ANKS1B: variants seen among roughly 807,000 people sequenced by gnomAD.
ANKS1B encodes ankyrin repeat and sterile alpha motif domain-containing protein 1B.
Under a neutral mutation model 148.3 loss-of-function variants are expected in ANKS1B, and 36 were observed. The ratio of observed to expected loss-of-function variants is 0.24; its 90% CI spans 0.19 to 0.32. ANKS1B has a LOEUF of 0.32. Among genes scored for constraint, ANKS1B ranks in the 10% least tolerant of loss-of-function variants. The probability of loss-of-function intolerance (pLI) is 1.00; values close to 1 mark genes in which losing one functional copy is unlikely to be tolerated. For synonymous variants in ANKS1B, 542 were observed against 560.8 expected (o/e 0.97, Z 0.47); for missense variants, 1,157 against 1,542.6 (o/e 0.75, Z 4.19).
intron 9 of ANKS1B, among the ~76,000 whole-genome samples, chr12:99,612,189 T>C (rs1020815963): frequency 2.0e-5 from 3 of 152,048 alleles, no homozygotes; most frequent in African/African-American, 7.2e-5. Context: ...ACAGAGCTGA[T>C]TGAGCAAAAT....
chr12:99,845,820 T>C (rs2086579414), intron 1 of ANKS1B, among the ~76,000 whole-genome samples: 1 of 152,186 alleles, frequency 6.6e-6, no homozygotes, highest in Non-Finnish European at 1.5e-5. Context: ...TTTGTATCTC[T>C]GGTAGAATTC....
At chr12:99,543,069 A>G (rs182760412) in intron 9 of ANKS1B, among the ~76,000 whole-genome samples, 46 of 152,244 alleles carry the variant, frequency 3.0e-4, no homozygotes, top group Admixed American at 1.8e-3. Flanking sequence ...GAACGTATTT[A>G]AAAATCATAT....
intron 10 of ANKS1B, among the ~76,000 whole-genome samples, chr12:99,496,851 C>T (rs1250390773): frequency 6.6e-6 from 1 of 152,076 alleles, no homozygotes; most frequent in African/African-American, 2.4e-5. Context: ...ACCATGAATA[C>T]ACAATGTTGC....
At chr12:99,375,907 T>C (rs1303291355) in intron 12 of ANKS1B, among the ~76,000 whole-genome samples, 2 of 152,146 alleles carry the variant, frequency 1.3e-5, no homozygotes, top group South Asian at 2.1e-4. Context: ...TCTAAATCCA[T>C]AGATGTTAGC....
At chr12:99,668,416 C>A (rs1486470286) in intron 8 of ANKS1B, among the ~76,000 whole-genome samples, 4 of 151,292 alleles carry the variant, frequency 2.6e-5, no homozygotes. Context: ...CCTCTTTTAT[C>A]TCATTTTTTT....
intron 10 of ANKS1B, among the ~76,000 whole-genome samples, chr12:99,468,930 C>A (rs1388559141): frequency 6.6e-6 from 1 of 152,048 alleles, no homozygotes; most frequent in Non-Finnish European, 1.5e-5. Context: ...CCCAGCCATC[C>A]CATTACTGGG....
At chr12:99,820,157 T>C (rs1176069931) in intron 2 of ANKS1B, among the ~76,000 whole-genome samples, 1 of 152,004 alleles carries the variant, frequency 6.6e-6, no homozygotes, top group Non-Finnish European at 1.5e-5. Flanking sequence ...AATAATTTTC[T>C]AATCTGTGAT....
intron 17 of ANKS1B, among the ~76,000 whole-genome samples, chr12:98,937,670 T>C (rs1479036616): frequency 6.6e-6 from 1 of 152,160 alleles, no homozygotes; most frequent in East Asian, 1.9e-4. Context: ...ACTGTACACA[T>C]GCCACCTATA....
chr12:99,081,879 A>G (rs2049911580), intron 16 of ANKS1B, among the ~76,000 whole-genome samples: 1 of 152,192 alleles, frequency 6.6e-6, no homozygotes, highest in Non-Finnish European at 1.5e-5. Flanking sequence ...TCATTCACTC[A>G]GTCACTCACT....
intron 1 of ANKS1B, 32 bp from the exon 2 acceptor site, chr12:99,825,421 G>A: frequency 6.4e-7 from 1 of 1,569,302 alleles, no homozygotes; most frequent in Non-Finnish European, 8.7e-7. Flanking sequence ...AGAGTTAACA[G>A]TGAAGCCAGA....
intron 12 of ANKS1B, among the ~76,000 whole-genome samples, chr12:99,294,153 T>C (rs1006981225): frequency 6.6e-6 from 1 of 152,232 alleles, no homozygotes; most frequent in African/African-American, 2.4e-5. Context: ...CCACCATATG[T>C]TCCAGCAATC....
At chr12:99,614,018 AT>A (rs572685860) in intron 9 of ANKS1B, among the ~76,000 whole-genome samples, 69 of 150,218 alleles carry the variant, frequency 4.6e-4, no homozygotes, top group East Asian at 1.2e-3. Flanking sequence ...TTGATTCCTA[AT>A]TTTTTTTTTC....
chr12:99,613,856 TTAAAAA>T (rs1034019353), intron 9 of ANKS1B, among the ~76,000 whole-genome samples: 2 of 151,648 alleles, frequency 1.3e-5, no homozygotes, highest in Non-Finnish European at 2.9e-5. Flanking sequence ...ACCCCTAAAC[TTAAAAA>T]TAAAGTCAAA....
chr12:99,866,768 G>A (rs1003509141), intron 1 of ANKS1B, among the ~76,000 whole-genome samples: 4 of 152,066 alleles, frequency 2.6e-5, no homozygotes, highest in African/African-American at 7.2e-5. Flanking sequence ...AAATCTAAAT[G>A]TATAATTTAT....
intron 17 of ANKS1B, among the ~76,000 whole-genome samples, chr12:98,866,505 G>C (rs1442073328): frequency 1.3e-5 from 2 of 152,150 alleles, no homozygotes; most frequent in African/African-American, 4.8e-5. Context: ...GGAGGGCTTA[G>C]CCCTCTCCCA....
intron 9 of ANKS1B, among the ~76,000 whole-genome samples, chr12:99,563,462 A>G (rs2097358015): frequency 6.6e-6 from 1 of 152,136 alleles, no homozygotes; most frequent in Non-Finnish European, 1.5e-5. Flanking sequence ...AGGCCTGAGG[A>G]GAGGAAGAGA....
intron 15 of ANKS1B, among the ~76,000 whole-genome samples, chr12:99,099,061 T>C (rs1387763464): frequency 6.6e-6 from 1 of 152,154 alleles, no homozygotes; most frequent in Non-Finnish European, 1.5e-5. Flanking sequence ...TCTCTATCTT[T>C]AGTCCTGCCC....
At chr12:98,969,750 T>C (rs2099881593) in intron 17 of ANKS1B, among the ~76,000 whole-genome samples, 1 of 152,184 alleles carries the variant, frequency 6.6e-6, no homozygotes, top group African/African-American at 2.4e-5. Flanking sequence ...CTGGGAATTA[T>C]TGTGCACAGA....
chr12:99,419,811 G>A (rs1159178243), intron 11 of ANKS1B, among the ~76,000 whole-genome samples: 1 of 151,986 alleles, frequency 6.6e-6, no homozygotes, highest in Admixed American at 6.6e-5. Flanking sequence ...TAGCAATACA[G>A]GCACACACCA....
Sources: allele counts gnomAD v4.1 joint callset (sites outside exome capture counted in the v4.1 genomes callset), GRCh38; gene constraint gnomAD v4.1.1; transcripts MANE v1.5; gene names NCBI Gene and HGNC (gene_info 2026-07-23, HGNC 2026-07-21).